Variants in NKAIN3 observed in about 807,000 individuals in gnomAD.
The protein encoded by NKAIN3 is sodium/potassium transporting ATPase interacting 3.
Under a neutral mutation model 30.2 loss-of-function variants are expected in NKAIN3, and 25 were observed. That is an observed-to-expected ratio of 0.83 (90% CI 0.60 to 1.16). The LOEUF (loss-of-function observed/expected upper bound fraction) is 1.16, where lower values mean the gene tolerates loss of function less well. Ranked by LOEUF, NKAIN3 falls within the 50% of genes most tolerant of loss-of-function variation. The pLI, the probability that NKAIN3 is intolerant of heterozygous loss-of-function variation, is 0.00. For synonymous variants in NKAIN3, 91 were observed against 89.6 expected (o/e 1.02, Z -0.09); for missense variants, 225 against 254.1 (o/e 0.89, Z 0.78).
chr8:62,545,518 G>A (rs1444686361), intron 1 of NKAIN3, among the ~76,000 whole-genome samples: 2 of 152,160 alleles, frequency 1.3e-5, no homozygotes, highest in Admixed American at 1.3e-4. Flanking sequence ...GCAGTGAGCT[G>A]AGATCATACC....
intron 1 of NKAIN3, among the ~76,000 whole-genome samples, chr8:62,270,632 G>A (rs557039793): frequency 2.0e-4 from 30 of 152,038 alleles, no homozygotes; most frequent in Non-Finnish European, 2.9e-4. Context: ...TGTTCACCAC[G>A]TTGTGCAATA....
In NKAIN3 at chr8:62,340,553, A is replaced by G. The variant is rs143246730; in HGVS notation, c.54+91426A>G. Among the ~76,000 whole-genome samples the G allele has an allele frequency of 3.9e-5, 6 of 152,148 alleles. No homozygotes were observed. In the East Asian group the frequency reaches 5.8e-4, roughly 15 times the overall value. On this transcript the variant is annotated intron_variant, in intron 1 of 6. Coordinates refer to ENST00000623646, the MANE Select transcript of NKAIN3 (RefSeq NM_001304533.3). ...CCCTGCCAATCCCTTTCAGAAGTTC[A>G]AAGTCCTCAGCCTGCCAAAGCACTG...
chr8:62,891,680 A>C (rs1221305425), intron 4 of NKAIN3, among the ~76,000 whole-genome samples: 1 of 152,090 alleles, frequency 6.6e-6, no homozygotes, highest in Non-Finnish European at 1.5e-5. Context: ...AACAGAGACA[A>C]AATTCCTTCC....
intron 4 of NKAIN3, among the ~76,000 whole-genome samples, chr8:62,820,709 C>T (rs1202349835): frequency 6.6e-6 from 1 of 151,986 alleles, no homozygotes; most frequent in African/African-American, 2.4e-5. Flanking sequence ...CGAGGAGAAC[C>T]ATAGTAAAAT....
rs1817290092 is a variant in NKAIN3, at chr8:62,779,462, AG to A, written c.471+32334del. On this transcript the variant is annotated intron_variant, in intron 4 of 6. Transcript: ENST00000623646. ...ACATGGTGTCAGCTGAGTTTTTTCC[AG>A]TGTTGCTTTCCACTGAGACAGCACA... is the stretch of plus-strand genomic sequence containing the variant. 1.3e-5 allele frequency among the ~76,000 whole-genome samples: 2 copies of A among 152,144 alleles called. 1 individual carries two copies. Among genetic ancestry groups the A allele is most frequent in the Admixed American group, 1.3e-4 (2 of 15,258 alleles).
At chr8:62,385,609 A>C (rs1457531769) in intron 1 of NKAIN3, among the ~76,000 whole-genome samples, 1 of 152,220 alleles carries the variant, frequency 6.6e-6, no homozygotes, top group Admixed American at 6.5e-5. Flanking sequence ...GCATAACATC[A>C]TATAGCATGA....
chr8:62,546,541 A>G (rs1024326174), intron 1 of NKAIN3, among the ~76,000 whole-genome samples: 232 of 152,262 alleles, frequency 1.5e-3, no homozygotes, highest in African/African-American at 5.4e-3. Flanking sequence ...CAGTTATAGC[A>G]GTAATTACTT....
chr8:62,371,491 T>G (rs7828333), intron 1 of NKAIN3, among the ~76,000 whole-genome samples: 5,110 of 151,990 alleles, frequency 0.034, 327 homozygotes, highest in African/African-American at 0.12. Flanking sequence ...ATGGTCCCCT[T>G]GTTTCACTGT....
At chr8:62,720,278 AC>A (rs1469972402) in intron 3 of NKAIN3, among the ~76,000 whole-genome samples, 1 of 152,186 alleles carries the variant, frequency 6.6e-6, no homozygotes, top group Non-Finnish European at 1.5e-5. Flanking sequence ...GATTACCTTA[AC>A]ACATTTATAC....
chr8:62,713,182 G>A (rs1384049530), intron 3 of NKAIN3, among the ~76,000 whole-genome samples: 1 of 152,142 alleles, frequency 6.6e-6, no homozygotes, highest in Non-Finnish European at 1.5e-5. Context: ...GGGAGACCTT[G>A]GGTAGTGCAG....
At chr8:62,863,957 G>T in intron 4 of NKAIN3, 1 of 860,274 alleles carries the variant, frequency 1.2e-6, no homozygotes, top group Non-Finnish European at 2.0e-6. Flanking sequence ...GGCGGTGGTG[G>T]TGGTGGAGGT....
At chr8:62,407,720 C>T (rs1212228252) in intron 1 of NKAIN3, among the ~76,000 whole-genome samples, 1 of 152,152 alleles carries the variant, frequency 6.6e-6, no homozygotes, top group African/African-American at 2.4e-5. Context: ...CGTGAGCCCC[C>T]GTGCCCAGCC....
chr8:62,619,107 G>T (rs1400672748), intron 3 of NKAIN3, among the ~76,000 whole-genome samples: 1 of 152,110 alleles, frequency 6.6e-6, no homozygotes, highest in South Asian at 2.1e-4. Flanking sequence ...TGTAACAGGT[G>T]ATTTCGTGTA....
intron 4 of NKAIN3, among the ~76,000 whole-genome samples, chr8:62,866,121 C>T (rs1482375814): frequency 1.3e-5 from 2 of 152,158 alleles, no homozygotes; most frequent in Admixed American, 6.5e-5. Context: ...AGAGGGATTT[C>T]ACTTTAAAAA....
At chr8:62,605,637 A>G (rs1227490056) in intron 3 of NKAIN3, among the ~76,000 whole-genome samples, 1 of 152,104 alleles carries the variant, frequency 6.6e-6, no homozygotes, top group African/African-American at 2.4e-5. Flanking sequence ...AATAAAAAAT[A>G]ATACCAAATT....
chr8:62,466,035 A>G (rs1405865200), intron 1 of NKAIN3, among the ~76,000 whole-genome samples: 1 of 152,140 alleles, frequency 6.6e-6, no homozygotes, highest in Non-Finnish European at 1.5e-5. Flanking sequence ...AAAAGAAAAA[A>G]GAAAGAAAAA....
intron 4 of NKAIN3, among the ~76,000 whole-genome samples, chr8:62,824,166 G>A (rs1818944503): frequency 6.6e-6 from 1 of 152,166 alleles, no homozygotes; most frequent in South Asian, 2.1e-4. Flanking sequence ...ACAGGATAGA[G>A]GACATGACAT....
chr8:62,293,278 G>A (rs113843076), intron 1 of NKAIN3, among the ~76,000 whole-genome samples: 4,133 of 152,248 alleles, frequency 0.027, 173 homozygotes, highest in African/African-American at 0.092. Flanking sequence ...CGTTGCTGGC[G>A]AGGAGCTGCG....
chr8:62,702,556 C>G (rs1409774906), intron 3 of NKAIN3, among the ~76,000 whole-genome samples: 1 of 151,918 alleles, frequency 6.6e-6, no homozygotes, highest in Non-Finnish European at 1.5e-5. Context: ...CTTGTATTAC[C>G]AAGGGTAAAT....
Sources: allele counts gnomAD v4.1 joint callset (sites outside exome capture counted in the v4.1 genomes callset), GRCh38; gene constraint gnomAD v4.1.1; transcripts MANE v1.5; gene names NCBI Gene and HGNC (gene_info 2026-07-23, HGNC 2026-07-21).